TTBK2: variants seen among roughly 807,000 people sequenced by gnomAD.
The protein encoded by TTBK2 is tau-tubulin kinase 2.
Under a neutral mutation model 110.8 loss-of-function variants are expected in TTBK2, and 28 were observed. That is an observed-to-expected ratio of 0.25 (90% CI 0.19 to 0.35). The LOEUF (loss-of-function observed/expected upper bound fraction) is 0.35. Ranked by LOEUF, TTBK2 falls within the 10% of genes least tolerant of loss-of-function variation. TTBK2 has a pLI of 1.00. For synonymous variants in TTBK2, 532 were observed against 527.3 expected (o/e 1.01, Z -0.12); for missense variants, 1,369 against 1,500.3 (o/e 0.91, Z 1.45).
chr15:42,757,013 A>G (rs2061956446), intron 13 of TTBK2, among the ~76,000 whole-genome samples: 1 of 152,198 alleles, frequency 6.6e-6, no homozygotes, highest in Non-Finnish European at 1.5e-5. Flanking sequence ...TAATATTTCC[A>G]TAGTACTTTA....
intron 13 of TTBK2, among the ~76,000 whole-genome samples, chr15:42,768,025 C>T (rs974830820): frequency 6.6e-6 from 1 of 152,218 alleles, no homozygotes; most frequent in Admixed American, 6.5e-5. Context: ...ATGTTTATCT[C>T]AACAGATGCA....
chr15:42,872,742 C>G lies in TTBK2; in HGVS notation c.86G>C (p.Gly29Ala). The G allele has an allele frequency of 6.2e-7, 1 of 1,613,956 alleles. No individual in the cohort carries two copies. Among genetic ancestry groups the G allele is most frequent in the Non-Finnish European group, 8.5e-7 (1 of 1,179,962 alleles). The change falls in exon 3 of 15, where the codon GGT (glycine) becomes GCT (alanine). Residue 29 changes from glycine (G) to alanine (A), a missense_variant. Physicochemically the swap from Gly to Ala is moderately conservative, Grantham distance 60. This residue lies in a region of TTBK2 where 122 missense variants were observed against 159.7 expected (regional missense o/e 0.76). Transcript: ENST00000267890. ...ERWKVLRKIG[G>A]GGFGEIYDAL... ...ATCGTAAATTTCTCCAAAGCCCCCA[C>G]CCCCAATCTTTCTCAACTGCACAGA...
chr15:42,833,969 C>T (rs1892884316), intron 4 of TTBK2, among the ~76,000 whole-genome samples: 1 of 151,956 alleles, frequency 6.6e-6, no homozygotes, highest in African/African-American at 2.4e-5. Flanking sequence ...CGAGATCACG[C>T]CATTGCACTG....
rs557539261 is a variant in TTBK2, at chr15:42,894,944, T to C, written c.-67-16260A>G. Among the ~76,000 whole-genome samples, 7 of 152,294 alleles carry C rather than the reference T, an allele frequency of 4.6e-5. No homozygotes were observed. The East Asian group carries it at 9.6e-4, about 21-fold the overall frequency. On this transcript the variant is annotated intron_variant, in intron 1 of 14. Transcript: ENST00000267890. ...CAATTCATGCAGTACAGCAGATTAA[T>C]AGTCTAAAAATGAAAACCACATGAC...
chr15:42,893,984 T>A (rs1167831910), intron 1 of TTBK2, among the ~76,000 whole-genome samples: 1 of 152,090 alleles, frequency 6.6e-6, no homozygotes, highest in African/African-American at 2.4e-5. Flanking sequence ...CCTACCCAAA[T>A]CTCATCTTGT....
intron 1 of TTBK2, among the ~76,000 whole-genome samples, chr15:42,892,704 CAAAAA>C: frequency 2.6e-5 from 1 of 37,918 alleles, no homozygotes; most frequent in South Asian, 1.0e-3. Context: ...GACCCTGTCT[CAAAAA>C]AAAAAAAAAA....
chr15:42,850,491 G>C (rs913807392), intron 3 of TTBK2, among the ~76,000 whole-genome samples: 1 of 152,108 alleles, frequency 6.6e-6, no homozygotes, highest in African/African-American at 2.4e-5. Context: ...CAAGAATTTT[G>C]CCCAGGTTTT....
At chr15:42,803,778 C>T (rs887087881) in intron 9 of TTBK2, among the ~76,000 whole-genome samples, 1 of 152,014 alleles carries the variant, frequency 6.6e-6, no homozygotes, top group Non-Finnish European at 1.5e-5. Flanking sequence ...CATCTGTAAT[C>T]CCAGCACTCT....
In TTBK2 at chr15:42,760,384, C is replaced by CA. The variant is rs3036888; in HGVS notation, c.1999-7138dup. 2.2e-3 allele frequency among the ~76,000 whole-genome samples: 193 copies of CA among 89,068 alleles called. 2 individuals are homozygous for CA. Among genetic ancestry groups the CA allele is most frequent in the African/African-American group, 6.0e-3 (148 of 24,570 alleles). 58.4% of individuals were successfully genotyped at this position (89,068 alleles called of 152,430 possible). On this transcript the variant is annotated intron_variant, in intron 13 of 14. Coordinates refer to ENST00000267890, the MANE Select transcript of TTBK2 (RefSeq NM_173500.4). ...TGGGTGGCAGAGTGAGACTCCATCT[C>CA]AAAAAAAAAAAAAAAAAAACAAAAA...
chr15:42,816,235 GC>G (rs1567040983), intron 7 of TTBK2, among the ~76,000 whole-genome samples: 1 of 148,128 alleles, frequency 6.8e-6, no homozygotes, highest in East Asian at 2.0e-4. Context: ...TTTTGCCTCA[GC>G]CTCCTGAGTA....
At position 42,817,029 on chromosome 15, in the gene TTBK2, T is replaced by C. The variant is rs769247038; in HGVS notation, c.603+3A>G. ...CAGATATGACTCTAGTTCAGATACC[T>C]ACCCTGTTCCGATGTGCGTTGATTG... On this transcript the variant is annotated splice_donor_region_variant and intron_variant, in intron 7 of 14. Coordinates refer to ENST00000267890, the MANE Select transcript of TTBK2 (RefSeq NM_173500.4). 1.9e-6 allele frequency: 3 copies of C among 1,598,890 alleles called. No individual in the cohort carries two copies. Among genetic ancestry groups the C allele is most frequent in the Non-Finnish European group, 2.6e-6 (3 of 1,170,856 alleles).
chr15:42,909,699 A>G (rs2141208457), intron 1 of TTBK2, among the ~76,000 whole-genome samples: 1 of 152,376 alleles, frequency 6.6e-6, no homozygotes, highest in African/African-American at 2.4e-5. Flanking sequence ...ACTGAAAAAA[A>G]TTAAGCAAGA....
In TTBK2 at chr15:42,845,633, CAAAAAAAAAA is replaced by C. The variant is rs894783459; in HGVS notation, c.218-5210_218-5201del. On this transcript the variant is annotated intron_variant, in intron 3 of 14. Coordinates refer to ENST00000267890, the MANE Select transcript of TTBK2 (RefSeq NM_173500.4). ...TGGGCGACAGAGCAAGGCTGCATCT[CAAAAAAAAAA>C]AAAAAAAAAAAAAAAAAAAGATGGG... 7.2e-4 allele frequency among the ~76,000 whole-genome samples: 11 copies of C among 15,300 alleles called. No homozygotes were observed. In the East Asian group the frequency reaches 0.013, roughly 18 times the overall value. The allele number at this position is 15,300 out of a possible 152,430, so 10.0% of individuals were successfully genotyped here.
intron 10 of TTBK2, among the ~76,000 whole-genome samples, chr15:42,790,970 A>G (rs910744530): frequency 4.0e-5 from 6 of 150,818 alleles, no homozygotes; most frequent in Non-Finnish European, 5.9e-5. Flanking sequence ...TGCAAGCTCC[A>G]CCTCCCGTGT....
chr15:42,760,683 C>T (rs1048788520), intron 13 of TTBK2, among the ~76,000 whole-genome samples: 2 of 152,008 alleles, frequency 1.3e-5, no homozygotes, highest in African/African-American at 4.8e-5. Flanking sequence ...CTGAAGAGAA[C>T]ATACAATAAA....
chr15:42,867,055 T>A (rs990965359), intron 3 of TTBK2, among the ~76,000 whole-genome samples: 2 of 151,834 alleles, frequency 1.3e-5, no homozygotes, highest in Non-Finnish European at 2.9e-5. Context: ...CCATCCTGGC[T>A]AACACGGTGA....
At chr15:42,769,475 A>G (rs1359090832) in intron 13 of TTBK2, among the ~76,000 whole-genome samples, 1 of 138,912 alleles carries the variant, frequency 7.2e-6, no homozygotes, top group Non-Finnish European at 1.5e-5. Flanking sequence ...TCTCAAAAGA[A>G]GACATTTATG....
rs1036042517 is a variant in TTBK2, at chr15:42,851,689, C to T, written c.218-11256G>A. On this transcript the variant is annotated intron_variant, in intron 3 of 14. Coordinates refer to ENST00000267890, the MANE Select transcript of TTBK2 (RefSeq NM_173500.4). Reference sequence around the variant, plus strand: ...AGATATATGATTTTCTATATGTGTGCGTATATATGTGTATATATATATCTA... The same window carrying T: ...AGATATATGATTTTCTATATGTGTGTGTATATATGTGTATATATATATCTA... 4.0e-5 allele frequency among the ~76,000 whole-genome samples: 6 copies of T among 151,366 alleles called. No homozygotes were observed. The South Asian group carries it at 1.0e-3, about 26-fold the overall frequency.
Position 42,817,011 on chromosome 15 carries a change from G to T in TTBK2, c.603+21C>A, listed in dbSNP as rs754779754. ...GCTATTAGCATACTTATACAGATATGACTCTAGTTCAGATACCTACCCTGT... is the reference window on the plus strand; with the variant it reads ...GCTATTAGCATACTTATACAGATATTACTCTAGTTCAGATACCTACCCTGT... On this transcript the variant is annotated intron_variant, in intron 7 of 14. Transcript: ENST00000267890. 2.8e-5 allele frequency: 45 copies of T among 1,580,768 alleles called. No homozygotes were observed. In the East Asian group the frequency reaches 9.6e-4, roughly 34 times the overall value.
Sources: allele counts gnomAD v4.1 joint callset (sites outside exome capture counted in the v4.1 genomes callset), GRCh38; gene constraint gnomAD v4.1.1; regional missense constraint gnomAD v4.1.1; transcripts MANE v1.5; gene names NCBI Gene and HGNC (gene_info 2026-07-23, HGNC 2026-07-21).